Variants in FBXO10 observed in about 807,000 individuals in gnomAD.
FBXO10 encodes the protein F-box protein 10.
In FBXO10, 39 loss-of-function variants were observed where a neutral mutation model predicts 80.7. The ratio of observed to expected loss-of-function variants is 0.48; its 90% CI spans 0.37 to 0.63. The LOEUF (loss-of-function observed/expected upper bound fraction) is 0.63. FBXO10 is among the 30% of genes least tolerant of loss of function. The pLI is 0.00. For synonymous variants in FBXO10, 449 were observed against 489.6 expected, an observed-to-expected ratio of 0.92 and a Z score of 1.09; for missense variants, 1,025 against 1,269.0, an observed-to-expected ratio of 0.81 and a Z score of 2.92.
intron 10 of FBXO10, among the ~76,000 whole-genome samples, chr9:37,514,561 C>T (rs145611669): frequency 2.1e-3 from 319 of 151,974 alleles, no homozygotes; most frequent in African/African-American, 6.8e-3. Context: ...ACCGGTGAGG[C>T]GCGGTGGCTC....
chr9:37,553,012 TTGTGTGTGTGTGTGTGTGTG>T (rs74171513), intron 1 of FBXO10, among the ~76,000 whole-genome samples: 7 of 144,372 alleles, frequency 4.8e-5, no homozygotes, highest in Non-Finnish European at 9.1e-5. Context: ...CCAATTCAGG[TTGTGTGTGTGTGTGTGTGTG>T]TGTGTGTGTG....
At chr9:37,553,802 C>T (rs909800689) in intron 1 of FBXO10, among the ~76,000 whole-genome samples, 3 of 149,504 alleles carry the variant, frequency 2.0e-5, no homozygotes, top group Non-Finnish European at 3.0e-5. Context: ...GTAATCCCAG[C>T]TACTTAGGGA....
chr9:37,534,944 G>A (rs888946581), intron 3 of FBXO10, among the ~76,000 whole-genome samples: 2 of 152,150 alleles, frequency 1.3e-5, no homozygotes, highest in African/African-American at 4.8e-5. Flanking sequence ...CACAGACACA[G>A]CACCTACCTA....
chr9:37,538,708 CAAA>C (rs34975108), intron 2 of FBXO10, among the ~76,000 whole-genome samples: 13 of 69,572 alleles, frequency 1.9e-4, no homozygotes, highest in Non-Finnish European at 1.8e-4. Flanking sequence ...ACTCGGTGTC[CAAA>C]AAAAAAAAAA....
At chr9:37,548,985 T>G (rs915837785) in intron 1 of FBXO10, among the ~76,000 whole-genome samples, 1 of 152,134 alleles carries the variant, frequency 6.6e-6, no homozygotes, top group African/African-American at 2.4e-5. Context: ...CCTGACCTCA[T>G]GATCCACCCG....
chr9:37,518,175 T>C lies in FBXO10; in HGVS notation c.2464A>G (p.Ile822Val). ...TGCAGCCCGCTGCCCCGGTTGCCAA[T>C]GATATCGTTTTCAATGACGATGGTG... ...DSTIVIENDI[I>V]GNRGSGLQLL... Residue 822 changes from isoleucine to valine, a missense_variant, in exon 9 of 11, where the codon ATT becomes GTT. This residue lies in a region of FBXO10 where 478 missense variants were observed against 667.8 expected (regional missense o/e 0.72). Coordinates refer to ENST00000432825, the MANE Select transcript of FBXO10 (RefSeq NM_012166.3). 6.2e-7 allele frequency: 1 copy of C among 1,613,948 alleles called. No individual in the cohort carries two copies. The highest frequency in any genetic ancestry group is 1.1e-5 in the South Asian group (1 of 91,072).
At position 37,516,066 on chromosome 9, in the gene FBXO10, TG is replaced by T; in HGVS notation, c.2533del (p.His845ThrfsTer62). 1 of 1,612,238 alleles carries T rather than the reference TG, an allele frequency of 6.2e-7. No individual in the cohort carries two copies. Among genetic ancestry groups the T allele is most frequent in the Non-Finnish European group, 8.5e-7 (1 of 1,179,360 alleles). On this transcript the variant is annotated frameshift_variant, in exon 10 of 11. Coordinates refer to ENST00000432825, the MANE Select transcript of FBXO10 (RefSeq NM_012166.3). LOFTEE classifies it high-confidence loss of function. ...SDTKVIKNRIHSFRAYGIAVR... is the reference protein window; with the variant it reads ...SDTKVIKNRIXSFRAYGIAVR... ...GGCGATGCCGTAGGCCCGGAACGAG[TG>T]GATCCGGTTCTTTATTACCTGGGAG...
chr9:37,553,915 T>TG (rs1822272177), intron 1 of FBXO10, among the ~76,000 whole-genome samples: 2 of 22,340 alleles, frequency 9.0e-5, no homozygotes, highest in Non-Finnish European at 1.6e-4. Flanking sequence ...AAAGTCTGCC[T>TG]CAAAAAAAAA....
chr9:37,536,831 A>G (rs1239144457), intron 3 of FBXO10, among the ~76,000 whole-genome samples: 1 of 152,160 alleles, frequency 6.6e-6, no homozygotes, highest in African/African-American at 2.4e-5. Context: ...GAGCAGCAGC[A>G]TGACATAGTG....
At chr9:37,525,704 AT>A (rs1821453894) in intron 5 of FBXO10, among the ~76,000 whole-genome samples, 1 of 151,816 alleles carries the variant, frequency 6.6e-6, no homozygotes, top group East Asian at 1.9e-4. Context: ...CATCCAGCTA[AT>A]TTTTTGTACT....
At chr9:37,559,106 GCCGAAAAA>G in intron 1 of FBXO10, among the ~76,000 whole-genome samples, 1 of 152,130 alleles carries the variant, frequency 6.6e-6, no homozygotes, top group East Asian at 1.9e-4. Flanking sequence ...ACCGCGCCTG[GCCGAAAAA>G]AGAAAATCTT....
intron 2 of FBXO10, among the ~76,000 whole-genome samples, chr9:37,539,852 T>C (rs1187085625): frequency 6.6e-6 from 1 of 152,200 alleles, no homozygotes; most frequent in Non-Finnish European, 1.5e-5. Context: ...ATTTGCAAAA[T>C]AGGCATACCA....
intron 7 of FBXO10, 136 bp from the exon 8 acceptor site, chr9:37,521,974 T>A: frequency 1.1e-6 from 1 of 917,910 alleles, no homozygotes; most frequent in Non-Finnish European, 1.6e-6. Flanking sequence ...ACAAGCCACC[T>A]GATGGCTCTA....
At chr9:37,536,460 C>T (rs988601049) in intron 3 of FBXO10, among the ~76,000 whole-genome samples, 3 of 152,118 alleles carry the variant, frequency 2.0e-5, no homozygotes, top group Non-Finnish European at 4.4e-5. Context: ...TGTTGATTGT[C>T]GCAGTGGCTA....
chr9:37,534,088 G>C (rs1184276170), intron 3 of FBXO10, among the ~76,000 whole-genome samples: 2 of 151,984 alleles, frequency 1.3e-5, no homozygotes, highest in Admixed American at 1.3e-4. Context: ...AGCCCCCACG[G>C]ATACCAAAGC....
rs761208471 is a variant in FBXO10 at position 37,537,493 on chromosome 9, T to C, written c.1036A>G (p.Arg346Gly). ...CTGCTGTCCGGGGTCTGGGCCACCC[T>C]TTCACCATCACTACCCACCTCTGCC... is the stretch of plus-strand genomic sequence containing the variant. ...QEAEVGSDGE[R>G]VAQTPDSSDG... Residue 346 changes from arginine to glycine, a missense_variant, in exon 3 of 11, where the codon AGG (arginine) becomes GGG (glycine). This residue lies in a region of FBXO10 where 450 missense variants were observed against 499.4 expected (regional missense o/e 0.90). Coordinates refer to ENST00000432825, the MANE Select transcript of FBXO10 (RefSeq NM_012166.3). The C allele has an allele frequency of 2.5e-6, 4 of 1,610,798 alleles. No homozygotes were observed. The South Asian group carries it at 4.4e-5, about 18-fold the overall frequency.
chr9:37,556,582 T>C (rs1243152471), intron 1 of FBXO10, among the ~76,000 whole-genome samples: 1 of 140,088 alleles, frequency 7.1e-6, no homozygotes, highest in African/African-American at 2.7e-5. Context: ...CTCTCTCTTT[T>C]GCCCAGTCTG....
Position 37,512,434 on chromosome 9 carries a change from G to A in FBXO10, c.*113C>T, listed in dbSNP as rs902031224. The A allele has an allele frequency of 5.4e-5, 65 of 1,211,590 alleles. 2 individuals carry two copies. In the South Asian group the frequency reaches 8.5e-4, roughly 16 times the overall value. 75.1% of individuals were successfully genotyped at this position (1,211,590 alleles called of 1,614,324 possible). On this transcript the variant is annotated 3_prime_UTR_variant, in exon 11 of 11. Coordinates refer to ENST00000432825, the MANE Select transcript of FBXO10 (RefSeq NM_012166.3). ...TGGAGGTACCGTGTTTTGGAGGCCC[G>A]GGACCCATTTGTTCGAGGGGGAGGG...
chr9:37,518,938 C>T (rs1173271048), intron 8 of FBXO10, among the ~76,000 whole-genome samples: 3 of 145,540 alleles, frequency 2.1e-5, no homozygotes, highest in African/African-American at 7.7e-5. Flanking sequence ...GAGACGGAGT[C>T]TCGCTCTGTC....
Sources: allele counts gnomAD v4.1 joint callset (sites outside exome capture counted in the v4.1 genomes callset), GRCh38; gene constraint gnomAD v4.1.1; regional missense constraint gnomAD v4.1.1; transcripts MANE v1.5; gene names NCBI Gene and HGNC (gene_info 2026-07-23, HGNC 2026-07-21).